LANCL3: variants seen among roughly 807,000 people sequenced by gnomAD.
LANCL3 encodes LanC like family member 3, also known as lanC-like protein 3.
LANCL3 carries 19 observed loss-of-function variants against 26.5 expected under a neutral mutation model. The ratio of observed to expected loss-of-function variants is 0.72; its 90% confidence interval spans 0.50 to 1.05. The LOEUF (loss-of-function observed/expected upper bound fraction) is 1.05, where lower values mean the gene tolerates loss of function less well. Among genes scored for constraint, LANCL3 ranks in the 50% least tolerant of loss-of-function variants. LANCL3 has a pLI of 0.00. For synonymous variants in LANCL3, 160 were observed against 166.6 expected, an observed-to-expected ratio of 0.96 and a Z score of 0.30; for missense variants, 318 against 362.7, an observed-to-expected ratio of 0.88 and a Z score of 1.00.
chrX:37,587,548 C>T (rs1280599022), intron 1 of LANCL3, among the ~76,000 whole-genome samples: 1 of 112,926 alleles, frequency 8.9e-6, no homozygotes, highest in Non-Finnish European at 1.9e-5. Context: ...TCTCAGACTG[C>T]TGTGCTAGCA....
At chrX:37,577,814 C>T (rs1923792367) in intron 1 of LANCL3, among the ~76,000 whole-genome samples, 1 of 112,277 alleles carries the variant, frequency 8.9e-6, no homozygotes, top group African/African-American at 3.2e-5. Flanking sequence ...AAAACAACAA[C>T]AACAAATTAT....
At chrX:37,652,932 A>G (rs1926191717) in intron 1 of LANCL3, among the ~76,000 whole-genome samples, 1 of 111,632 alleles carries the variant, frequency 9.0e-6, no homozygotes, top group Non-Finnish European at 1.9e-5. Context: ...ACTCTTCCTC[A>G]GTGTTCCCCA....
Position 37,652,544 on chromosome X carries a change from G to A in LANCL3, c.574-3144G>A, listed in dbSNP as rs191503541. ...ATATCTTAATTTATTTTAATTCAAT[G>A]TAAAAAGAAAAGAATCTATTCCATC... On this transcript the variant is annotated intron_variant, in intron 1 of 4. Transcript: ENST00000378619. Among the ~76,000 whole-genome samples the A allele has an allele frequency of 1.7e-4, 19 of 112,612 alleles. 1 individual carries two copies. Among genetic ancestry groups the A allele is most frequent in the African/African-American group, 5.2e-4 (16 of 31,057 alleles).
At chrX:37,608,546 T>G (rs923639281) in intron 1 of LANCL3, among the ~76,000 whole-genome samples, 3 of 111,792 alleles carry the variant, frequency 2.7e-5, no homozygotes, top group Non-Finnish European at 3.8e-5. Flanking sequence ...AGCAAGTATT[T>G]TACTAAGTAT....
intron 1 of LANCL3, among the ~76,000 whole-genome samples, chrX:37,576,209 G>C (rs1923741028): frequency 9.0e-6 from 1 of 111,497 alleles, no homozygotes; most frequent in Non-Finnish European, 1.9e-5. Flanking sequence ...ATGTTTATAA[G>C]GTTCAGATAT....
At chrX:37,608,051 C>G (rs963509932) in intron 1 of LANCL3, among the ~76,000 whole-genome samples, 1 of 112,160 alleles carries the variant, frequency 8.9e-6, no homozygotes, top group Admixed American at 9.5e-5. Context: ...CAAGATATTA[C>G]AGTACTTAGC....
intron 1 of LANCL3, among the ~76,000 whole-genome samples, chrX:37,637,381 CT>C (rs1387516825): frequency 1.8e-5 from 2 of 111,797 alleles, no homozygotes; most frequent in African/African-American, 6.5e-5. Flanking sequence ...GATTTTTCAG[CT>C]TTTCTTTCTG....
At chrX:37,650,150 A>G (rs1926100539) in intron 1 of LANCL3, among the ~76,000 whole-genome samples, 2 of 107,995 alleles carry the variant, frequency 1.9e-5, no homozygotes, top group Non-Finnish European at 3.8e-5. Context: ...AAAAACACAA[A>G]AAATTAGCCA....
intron 1 of LANCL3, among the ~76,000 whole-genome samples, chrX:37,638,251 C>T (rs781941762): frequency 1.8e-5 from 2 of 111,242 alleles, no homozygotes; most frequent in Non-Finnish European, 3.8e-5. Context: ...CCTCAGGTTT[C>T]AGGAGCTGAC....
intron 4 of LANCL3, among the ~76,000 whole-genome samples, chrX:37,670,321 C>T (rs1339749121): frequency 9.0e-6 from 1 of 111,529 alleles, no homozygotes; most frequent in South Asian, 3.7e-4. Context: ...TAGCCTTTGT[C>T]ATACCAAAGT....
chrX:37,572,573 C>T, intron 1 of LANCL3, 130 bp downstream of exon 1: 1 of 532,990 alleles, frequency 1.9e-6, no homozygotes, highest in Non-Finnish European at 3.1e-6. Flanking sequence ...GTGGTGCTAG[C>T]ATTTCTTCAG....
At chrX:37,583,173 G>A (rs181287217) in intron 1 of LANCL3, among the ~76,000 whole-genome samples, 2 of 111,182 alleles carry the variant, frequency 1.8e-5, no homozygotes, top group African/African-American at 3.3e-5. Context: ...TCCATTGATC[G>A]ATATCTCTGT....
intron 1 of LANCL3, among the ~76,000 whole-genome samples, chrX:37,645,927 A>G (rs1925973790): frequency 9.0e-6 from 1 of 111,640 alleles, no homozygotes; most frequent in Non-Finnish European, 1.9e-5. Context: ...GCATTGCCCC[A>G]ATACACAGGA....
intron 1 of LANCL3, among the ~76,000 whole-genome samples, chrX:37,580,349 G>A (rs1923863615): frequency 8.9e-6 from 1 of 111,826 alleles, no homozygotes; most frequent in African/African-American, 3.2e-5. Flanking sequence ...ACTGTTGTAA[G>A]TTTTTTTCAT....
intron 1 of LANCL3, among the ~76,000 whole-genome samples, chrX:37,576,204 TA>T (rs1387241482): frequency 1.8e-5 from 2 of 111,950 alleles, no homozygotes; most frequent in African/African-American, 6.5e-5. Context: ...TATTTATGTT[TA>T]TAAGGTTCAG....
intron 1 of LANCL3, among the ~76,000 whole-genome samples, chrX:37,602,404 G>C (rs1334786234): frequency 9.0e-6 from 1 of 111,728 alleles, no homozygotes; most frequent in Non-Finnish European, 1.9e-5. Context: ...ATTATCATTA[G>C]AATGCCTCTT....
chrX:37,623,839 C>T (rs1009963756), intron 1 of LANCL3, among the ~76,000 whole-genome samples: 5 of 111,992 alleles, frequency 4.5e-5, no homozygotes, highest in African/African-American at 1.6e-4. Flanking sequence ...CTAAACATAT[C>T]CATGAGCATG....
chrX:37,608,932 T>C (rs782026312), intron 1 of LANCL3, among the ~76,000 whole-genome samples: 9 of 112,429 alleles, frequency 8.0e-5, no homozygotes, highest in Non-Finnish European at 1.3e-4. Context: ...TTGTCAGAAA[T>C]GTGCTTTAAG....
In LANCL3 at chrX:37,684,307, C is replaced by T. The variant is rs1349501090; in HGVS notation, c.*8494C>T. 8.9e-6 allele frequency: 1 copy of T among 112,649 alleles called. No individual in the cohort carries two copies. Among genetic ancestry groups the T allele is most frequent in the African/African-American group, 3.2e-5 (1 of 30,980 alleles). The allele number at this position is 112,649 out of a possible 1,213,427, so 9.3% of individuals were successfully genotyped here. On this transcript the variant is annotated 3_prime_UTR_variant, in exon 5 of 5. Transcript: ENST00000378619. ...ATGTGTTTTCTGTATTCGTTTTGTA[C>T]TGTAGAAAATAATTCGCTATAAACT...
Sources: gnomAD v4.1 joint callset for allele counts (sites outside exome capture counted in the v4.1 genomes callset) on GRCh38, gnomAD v4.1.1 for gene constraint, MANE v1.5 for transcripts, NCBI Gene and HGNC (gene_info 2026-07-23, HGNC 2026-07-21) for gene names.